Variants in MEOX1 observed in about 807,000 individuals in gnomAD.
MEOX1 encodes the protein mesenchyme homeobox 1.
In MEOX1, 17 loss-of-function variants were observed where a neutral mutation model predicts 23.2. That is an observed-to-expected ratio of 0.73 (90% CI 0.50 to 1.10). MEOX1 has a LOEUF of 1.10. Among genes scored for constraint, MEOX1 ranks in the 50% least tolerant of loss-of-function variants. MEOX1 has a pLI of 0.00. For synonymous variants in MEOX1, 134 were observed against 135.1 expected, an observed-to-expected ratio of 0.99 and a Z score of 0.06; for missense variants, 333 against 332.2, an observed-to-expected ratio of 1.00 and a Z score of -0.02.
At position 43,641,685 on chromosome 17, in the gene MEOX1, G is replaced by A. The variant is rs1219639315; in HGVS notation, c.*225C>T. ...AGGATCTCTGTCTGATTCCATGAGA[G>A]TGTGGGAGCAAAGGCCCTAGGGAAG... On this transcript the variant is annotated 3_prime_UTR_variant, in exon 3 of 3. Coordinates refer to ENST00000318579, the MANE Select transcript of MEOX1 (RefSeq NM_004527.4). The A allele has an allele frequency of 1.2e-5, 6 of 491,694 alleles. No individual in the cohort carries two copies. The highest frequency in any genetic ancestry group is 2.2e-5 in the Non-Finnish European group (6 of 277,588). 30.5% of individuals were successfully genotyped at this position (491,694 alleles called of 1,614,324 possible).
rs553368572 is a variant in MEOX1 at position 43,645,413 on chromosome 17, G to A, written c.470-1753C>T. Among the ~76,000 whole-genome samples, 43 of 152,188 alleles carry A rather than the reference G, an allele frequency of 2.8e-4. 1 individual carries two copies. The South Asian group carries it at 8.7e-3, about 31-fold the overall frequency. ...AGGATGATCTCGATCTCCTGACCTC[G>A]TGATCTGCCCGCCTTGGCCTCCCAA... On this transcript the variant is annotated intron_variant, in intron 1 of 2. Transcript: ENST00000318579.
intron 1 of MEOX1, among the ~76,000 whole-genome samples, chr17:43,645,093 A>G (rs972882072): frequency 6.6e-6 from 1 of 152,004 alleles, no homozygotes; most frequent in East Asian, 1.9e-4. Context: ...TTAACTCGCA[A>G]TGCATGCCAC....
chr17:43,652,545 G>T (rs547829025), intron 1 of MEOX1, among the ~76,000 whole-genome samples: 1 of 152,228 alleles, frequency 6.6e-6, no homozygotes, highest in South Asian at 2.1e-4. Flanking sequence ...TATGAAGTAG[G>T]TACTGTTACC....
Position 43,642,036 on chromosome 17 carries a change from G to A in MEOX1, c.643-4C>T. On this transcript the variant is annotated splice_region_variant and splice_polypyrimidine_tract_variant and intron_variant, in intron 2 of 2. Coordinates refer to ENST00000318579, the MANE Select transcript of MEOX1 (RefSeq NM_004527.4). ...GGTTCTGGAACCACACTTTGACCTG[G>A]GGGAGGAAGCAAAGGAGCCTGGTCA... The A allele has an allele frequency of 5.0e-6, 8 of 1,612,208 alleles. No individual in the cohort carries two copies. Among genetic ancestry groups the A allele is most frequent in the Non-Finnish European group, 6.8e-6 (8 of 1,178,994 alleles).
At chr17:43,650,292 C>T (rs1214527574) in intron 1 of MEOX1, among the ~76,000 whole-genome samples, 1 of 152,264 alleles carries the variant, frequency 6.6e-6, no homozygotes, top group Non-Finnish European at 1.5e-5. Context: ...GTAAGGAACT[C>T]CTGTAAGGAC....
chr17:43,660,104 A>G (rs1973109586), intron 1 of MEOX1, among the ~76,000 whole-genome samples: 1 of 152,248 alleles, frequency 6.6e-6, no homozygotes, highest in South Asian at 2.1e-4. Context: ...ACAGGGCAGC[A>G]CGGGCAGGAG....
chr17:43,646,368 G>T lies in MEOX1; in HGVS notation c.470-2708C>A, dbSNP rs550486734. 1.3e-4 allele frequency among the ~76,000 whole-genome samples: 20 copies of T among 152,326 alleles called. No homozygotes were observed. The South Asian group carries it at 2.1e-3, about 16-fold the overall frequency. ...CGGATGACGGGCTTCCCGGAGCACA[G>T]CCCGGCCCACGGGCCCGGAGAGAGG... is the stretch of plus-strand genomic sequence containing the variant. On this transcript the variant is annotated intron_variant, in intron 1 of 2. Coordinates refer to ENST00000318579, the MANE Select transcript of MEOX1 (RefSeq NM_004527.4).
intron 1 of MEOX1, among the ~76,000 whole-genome samples, chr17:43,660,432 C>T (rs1973114906): frequency 6.6e-6 from 1 of 152,202 alleles, no homozygotes. Context: ...TGTCTGTCCC[C>T]TTGGCCTGGA....
Position 43,661,238 on chromosome 17 carries a change from T to C in MEOX1, c.297A>G (p.Ser99=). The change falls in exon 1 of 3, where the codon TCA becomes TCG. Residue 99 remains serine, a synonymous_variant. Coordinates refer to ENST00000318579, the MANE Select transcript of MEOX1 (RefSeq NM_004527.4). The part of the protein sequence containing the change: ...PQSPNWHFPV[S]DARRRPNSGP... ...CTGAGTTGGGCCTGCGCCGGGCGTC[T>C]GAGACAGGGAAGTGCCAGTTGGGGG... is the stretch of plus-strand genomic sequence containing the variant. 1 of 1,609,750 alleles carries C rather than the reference T, an allele frequency of 6.2e-7. No homozygotes were observed. Among genetic ancestry groups the C allele is most frequent in the South Asian group, 1.1e-5 (1 of 90,252 alleles).
chr17:43,654,502 G>A (rs372237766), intron 1 of MEOX1, among the ~76,000 whole-genome samples: 7 of 151,634 alleles, frequency 4.6e-5, no homozygotes, highest in African/African-American at 1.7e-4. Flanking sequence ...CAAGACTCTT[G>A]TCTCAAAAAA....
At chr17:43,660,628 T>C (rs1452540131) in intron 1 of MEOX1, among the ~76,000 whole-genome samples, 1 of 152,180 alleles carries the variant, frequency 6.6e-6, no homozygotes, top group Non-Finnish European at 1.5e-5. Context: ...GTCTTAGCTC[T>C]CAGAGCCTTA....
intron 1 of MEOX1, among the ~76,000 whole-genome samples, chr17:43,657,010 TTCTC>T (rs113484452): frequency 3.3e-5 from 2 of 60,670 alleles, no homozygotes; most frequent in Non-Finnish European, 3.2e-5. Flanking sequence ...CTTTCTTTCT[TTCTC>T]TTTCTTTCTT....
intron 1 of MEOX1, among the ~76,000 whole-genome samples, chr17:43,652,360 CT>C (rs1380868091): frequency 1.3e-5 from 2 of 152,134 alleles, no homozygotes; most frequent in Non-Finnish European, 2.9e-5. Context: ...GCTCAGGACA[CT>C]TTGGCCTGTT....
chr17:43,643,574 G>A lies in MEOX1; in HGVS notation c.556C>T (p.Leu186=), dbSNP rs566739870. ...TAFTKEQLRE[L]EAEFAHHNYL... ...TTATGATGGGCAAACTCTGCCTCCA[G>A]CTCTCGCAGCTGCTCCTTGGTGAAG... Residue 186 remains leucine (L), a synonymous_variant, in exon 2 of 3, where the codon CTG becomes TTG. Transcript: ENST00000318579. The A allele has an allele frequency of 7.9e-5, 127 of 1,612,772 alleles. 2 individuals are homozygous for A. The South Asian group carries it at 1.3e-3, about 17-fold the overall frequency.
chr17:43,650,909 C>T (rs998037404), intron 1 of MEOX1, among the ~76,000 whole-genome samples: 3 of 152,180 alleles, frequency 2.0e-5, no homozygotes, highest in African/African-American at 7.2e-5. Flanking sequence ...AGTGTCCAGG[C>T]CCTTTTCCTC....
intron 1 of MEOX1, among the ~76,000 whole-genome samples, chr17:43,651,399 C>T (rs542874971): frequency 2.9e-4 from 44 of 152,124 alleles, no homozygotes; most frequent in African/African-American, 1.0e-3. Flanking sequence ...CAGCAGCTTT[C>T]AAGAGGGGAT....
At chr17:43,658,570 T>C (rs1247509326) in intron 1 of MEOX1, among the ~76,000 whole-genome samples, 1 of 149,766 alleles carries the variant, frequency 6.7e-6, no homozygotes, top group Non-Finnish European at 1.5e-5. Context: ...ATGCAAAAAA[T>C]TGATAATGAA....
At chr17:43,661,016 C>G (rs1352706653) in intron 1 of MEOX1, 50 bp downstream of exon 1, 7 of 1,267,258 alleles carry the variant, frequency 5.5e-6, no homozygotes, top group Middle Eastern at 2.0e-4. Context: ...TGAGTAACTT[C>G]CCCAGGGTCA....
At position 43,657,030 on chromosome 17, in the gene MEOX1, C is replaced by CTTTCTTTCTTTA. The variant is rs1255908122; in HGVS notation, c.469+4035_469+4036insTAAAGAAAGAAA. Among the ~76,000 whole-genome samples, 21 of 129,212 alleles carry CTTTCTTTCTTTA rather than the reference C, an allele frequency of 1.6e-4. No homozygotes were observed. In the South Asian group the frequency reaches 5.4e-3, roughly 33 times the overall value. The allele number at this position is 129,212 out of a possible 152,430, so 84.8% of individuals were successfully genotyped here. A position where few individuals can be genotyped will look rare whatever the true frequency, so the allele number is the denominator to read the frequency against. On this transcript the variant is annotated intron_variant, in intron 1 of 2. Coordinates refer to ENST00000318579, the MANE Select transcript of MEOX1 (RefSeq NM_004527.4). Reference sequence around the variant, plus strand: ...TTTCTTTCTCTTTCTTTCTTTCTTTCTTTCTTTCTTTCTTTCTTTCTTTCT... The same window carrying CTTTCTTTCTTTA: ...TTTCTTTCTCTTTCTTTCTTTCTTTCTTTCTTTCTTTATTTCTTTCTTTCTTTCTTTCTTTCT...
Sources: allele counts gnomAD v4.1 joint callset (sites outside exome capture counted in the v4.1 genomes callset), GRCh38; gene constraint gnomAD v4.1.1; transcripts MANE v1.5; gene names NCBI Gene and HGNC (gene_info 2026-07-23, HGNC 2026-07-21).